TTC7A: variants seen among roughly 807,000 people sequenced by gnomAD.
TTC7A encodes the protein tetratricopeptide repeat domain 7A, also known as tetratricopeptide repeat protein 7A.
Under a neutral mutation model 103.7 loss-of-function variants are expected in TTC7A, and 110 were observed. The ratio of observed to expected loss-of-function variants is 1.06; its 90% CI spans 0.91 to 1.24. The LOEUF (loss-of-function observed/expected upper bound fraction) is 1.24. Among genes scored for constraint, TTC7A ranks in the 50% most tolerant of loss-of-function variants. TTC7A has a pLI of 0.00. For missense variants in TTC7A, 1,340 were observed against 1,116.3 expected (o/e 1.20, Z -2.86); for synonymous variants, 521 against 467.9 (o/e 1.11, Z -1.47).
At chr2:46,988,775 A>G (rs559435166) in intron 5 of TTC7A, among the ~76,000 whole-genome samples, 1 of 152,324 alleles carries the variant, frequency 6.6e-6, no homozygotes, top group East Asian at 1.9e-4. Context: ...ATGCTGGGTC[A>G]AGAGACAGGT....
At chr2:46,967,474 C>T (rs568247618) in intron 3 of TTC7A, among the ~76,000 whole-genome samples, 25 of 152,246 alleles carry the variant, frequency 1.6e-4, no homozygotes, top group African/African-American at 4.6e-4. Flanking sequence ...AATTTGATTA[C>T]GCAAGTACCT....
At chr2:46,944,374 G>GTTT (rs34191565) in intron 1 of TTC7A, among the ~76,000 whole-genome samples, 1,217 of 88,730 alleles carry the variant, frequency 0.014, 33 homozygotes, top group Middle Eastern at 0.035. Flanking sequence ...GGTATTTTGG[G>GTTT]TTTTTTTTTT....
chr2:47,025,313 A>G (rs1679772460), intron 14 of TTC7A, among the ~76,000 whole-genome samples: 3 of 152,158 alleles, frequency 2.0e-5, no homozygotes, highest in South Asian at 4.1e-4. Flanking sequence ...GGAGGACACC[A>G]CTGAGGCCGA....
intron 2 of TTC7A, among the ~76,000 whole-genome samples, chr2:46,929,971 GT>G (rs1669604895): frequency 6.6e-6 from 1 of 152,190 alleles, no homozygotes; most frequent in African/African-American, 2.4e-5. Flanking sequence ...GAGCCCCAGA[GT>G]GAAGAAATAT....
At position 46,950,424 on chromosome 2, in the gene TTC7A, T is replaced by C. The variant is rs368496761; in HGVS notation, c.246T>C (p.His82=). ...TGGAGCAGTGTTTGAAGGAGAACCATGCCAAAATAAAAGACTCCATGCCTT... is the reference window on the plus strand; with the variant it reads ...TGGAGCAGTGTTTGAAGGAGAACCACGCCAAAATAAAAGACTCCATGCCTT... ...ALLEQCLKEN[H]AKIKDSMPLL... is the part of the protein sequence containing the mutation. Residue 82 remains histidine (H), a synonymous_variant, in exon 2 of 20, where the codon CAT becomes CAC. Transcript: ENST00000319190. 21 of 1,613,966 alleles carry C rather than the reference T, an allele frequency of 1.3e-5. No homozygotes were observed. The highest frequency in any genetic ancestry group is 5.1e-6 in the Non-Finnish European group (6 of 1,180,034).
chr2:46,994,432 C>A lies in TTC7A; in HGVS notation c.919C>A (p.Pro307Thr). The A allele has an allele frequency of 6.2e-7, 1 of 1,614,100 alleles. No individual in the cohort carries two copies. The highest frequency in any genetic ancestry group is 8.5e-7 in the Non-Finnish European group (1 of 1,179,994). ...EECYWSPLSH[P>T]LPEFMGKEES... The stretch of plus-strand genomic sequence containing the variant: ...GTGCTACTGGAGCCCCCTGTCCCAC[C>A]CTCTGCCTGAGTTCATGGGCAAGGA... The change falls in exon 7 of 20, where the codon CCT (proline) becomes ACT (threonine). Residue 307 changes from proline to threonine, a missense_variant. Physicochemically the swap from Pro to Thr is conservative, Grantham distance 38. Transcript: ENST00000319190.
rs1558588473 is a variant in TTC7A at position 47,021,915 on chromosome 2, CG to C, written c.1450del (p.Glu484SerfsTer23). On this transcript the variant is annotated frameshift_variant, in exon 12 of 20. Transcript: ENST00000319190. LOFTEE classifies it high-confidence loss of function. ...TGGTGATCAGCCTCGGAGAGGAAGC[CG>C]GGGAGTTCCTCCCCAAGGGCTACCT... ...MMVISLGEEA[G>X]EFLPKGYLAL... is the part of the protein sequence containing the mutation. The C allele has an allele frequency of 6.2e-7, 1 of 1,614,158 alleles. No individual in the cohort carries two copies. Among genetic ancestry groups the C allele is most frequent in the African/African-American group, 1.3e-5 (1 of 75,044 alleles).
intron 9 of TTC7A, 25 bp from the exon 10 acceptor site, chr2:47,006,616 A>G (rs1677426338): frequency 1.2e-6 from 2 of 1,604,864 alleles, no homozygotes; most frequent in East Asian, 4.5e-5. Flanking sequence ...CTGGTGGGTA[A>G]ATGCTGACTA....
At chr2:46,999,329 TGTCCACCTATTC>T in intron 8 of TTC7A, 4 of 184,110 alleles carry the variant, frequency 2.2e-5, no homozygotes, top group South Asian at 3.7e-4. Context: ...ACCATTCATC[TGTCCACCTATTC>T]ATCCACCTAT....
In TTC7A at chr2:47,039,390, C is replaced by T. The variant is rs551948926; in HGVS notation, c.1803-6925C>T. Among the ~76,000 whole-genome samples the T allele has an allele frequency of 5.3e-5, 8 of 152,310 alleles. No individual in the cohort carries two copies. The South Asian group carries it at 1.7e-3, about 32-fold the overall frequency. ...CCAGCTCTGCTCTGCCAACTTCCCC[C>T]ACCAGCAAGAGTGGTGTGCTGGGGT... is the stretch of plus-strand genomic sequence containing the variant. On this transcript the variant is annotated intron_variant, in intron 15 of 19. Transcript: ENST00000319190.
intron 5 of TTC7A, 44 bp from the exon 6 acceptor site, chr2:46,993,406 G>A (rs1257634265): frequency 8.1e-6 from 13 of 1,598,094 alleles, no homozygotes; most frequent in South Asian, 4.4e-5. Flanking sequence ...CCTTCTTTGC[G>A]AGCTAGGCTG....
intron 8 of TTC7A, among the ~76,000 whole-genome samples, chr2:46,999,283 A>G (rs1676547613): frequency 1.3e-5 from 2 of 149,932 alleles, no homozygotes. Flanking sequence ...TCCACCTCCC[A>G]TTCATCCGTC....
rs1685083529 is a variant in TTC7A at position 47,074,728 on chromosome 2, A to G, written c.*805A>G. On this transcript the variant is annotated 3_prime_UTR_variant, in exon 20 of 20. Coordinates refer to ENST00000319190, the MANE Select transcript of TTC7A (RefSeq NM_020458.4). ...CAGTTTCTAGGACTGTCCCCAGTAC[A>G]TCTCACCACCCACAGCCCTTTTTTT... The G allele has an allele frequency of 6.6e-6, 1 of 152,362 alleles. No homozygotes were observed. The allele number at this position is 152,362 out of a possible 1,614,324, so 9.4% of individuals were successfully genotyped here. A position where few individuals can be genotyped will look rare whatever the true frequency, so the allele number is the denominator to read the frequency against.
At chr2:46,917,171 TC>T (rs1245659460) in intron 1 of TTC7A, 1 of 701,516 alleles carries the variant, frequency 1.4e-6, no homozygotes, top group Non-Finnish European at 2.6e-6. Context: ...AATTTTTTTT[TC>T]TTTTTTTAAA....
chr2:47,015,013 G>A (rs568266796), intron 11 of TTC7A, among the ~76,000 whole-genome samples: 14 of 152,346 alleles, frequency 9.2e-5, no homozygotes, highest in East Asian at 3.9e-4. Flanking sequence ...TGGCTGATTC[G>A]GGGGTTTGCA....
At position 47,010,264 on chromosome 2, in the gene TTC7A, T is replaced by C. The variant is rs990961604; in HGVS notation, c.1288-1067T>C. Among the ~76,000 whole-genome samples the C allele has an allele frequency of 6.6e-5, 10 of 152,322 alleles. 1 individual carries two copies. In the East Asian group the frequency reaches 1.9e-3, roughly 29 times the overall value. On this transcript the variant is annotated intron_variant, in intron 10 of 19. Coordinates refer to ENST00000319190, the MANE Select transcript of TTC7A (RefSeq NM_020458.4). ...GTTTTTTGCAACTATTCCACTCTGC[T>C]ACTGTATCAGGAAAACAGCCATATA...
rs973209637 is a variant in TTC7A at position 47,065,408 on chromosome 2, A to C, written c.2355+4437A>C. 2.0e-5 allele frequency among the ~76,000 whole-genome samples: 3 copies of C among 152,252 alleles called. No individual in the cohort carries two copies. The South Asian group carries it at 6.2e-4, about 31-fold the overall frequency. ...GGACTTGGAGTCTCTGGGGATGGCA[A>C]ATTGTGGGAAGACAAATCAATGGGA... On this transcript the variant is annotated intron_variant, in intron 19 of 19. Coordinates refer to ENST00000319190, the MANE Select transcript of TTC7A (RefSeq NM_020458.4).
chr2:47,061,605 C>G (rs1166322701), intron 19 of TTC7A, among the ~76,000 whole-genome samples: 1 of 152,174 alleles, frequency 6.6e-6, no homozygotes, highest in Non-Finnish European at 1.5e-5. Context: ...GGCTGGGGAG[C>G]AGGATGCTGA....
upstream of TTC7A, chr2:46,915,976 T>A: frequency 1.0e-6 from 1 of 985,400 alleles, no homozygotes; most frequent in Non-Finnish European, 1.2e-6. Flanking sequence ...ACGCAGTTCT[T>A]CTACCTGCTT....
Sources: allele counts gnomAD v4.1 joint callset (sites outside exome capture counted in the v4.1 genomes callset), GRCh38; gene constraint gnomAD v4.1.1; transcripts MANE v1.5; gene names NCBI Gene and HGNC (gene_info 2026-07-23, HGNC 2026-07-21).